The following LMNTD1 variants were observed in gnomAD, a reference collection of about 807,000 sequenced individuals.
LMNTD1 encodes the protein lamin tail domain-containing protein 1.
In LMNTD1, 35 loss-of-function variants were observed where a neutral mutation model predicts 50.9. The ratio of observed to expected loss-of-function variants is 0.69; its 90% CI spans 0.53 to 0.91. The LOEUF is 0.91. Among genes scored for constraint, LMNTD1 ranks in the 40% least tolerant of loss-of-function variants. The pLI, the probability that LMNTD1 is intolerant of heterozygous loss-of-function variation, is 0.00. For missense variants in LMNTD1, 470 were observed against 475.5 expected, an observed-to-expected ratio of 0.99 and a Z score of 0.11; for synonymous variants, 153 against 161.9, an observed-to-expected ratio of 0.94 and a Z score of 0.42.
chr12:25,559,695 T>G (rs1292193348), intron 1 of LMNTD1, among the ~76,000 whole-genome samples: 1 of 152,222 alleles, frequency 6.6e-6, no homozygotes, highest in African/African-American at 2.4e-5. Context: ...CTCCACATCC[T>G]CTCCAGAACC....
At chr12:25,638,218 A>G (rs1296686669) in intron 1 of LMNTD1, among the ~76,000 whole-genome samples, 1 of 152,056 alleles carries the variant, frequency 6.6e-6, no homozygotes, top group Non-Finnish European at 1.5e-5. Flanking sequence ...CTACAAAAAA[A>G]CTCACAGCTA....
upstream of LMNTD1, chr12:25,553,299 C>T: frequency 7.2e-7 from 1 of 1,392,460 alleles, no homozygotes; most frequent in Non-Finnish European, 9.4e-7. Flanking sequence ...TTGCTTCTGG[C>T]CAACACTGCC....
chr12:25,520,102 G>T (rs760116433), intron 6 of LMNTD1, 27 bp from the exon 7 acceptor site: 2 of 1,394,960 alleles, frequency 1.4e-6, no homozygotes, highest in Non-Finnish European at 2.0e-6. Flanking sequence ...ATTAATGTTG[G>T]CTATGTATAT....
chr12:25,573,474 G>A (rs113839276), intron 1 of LMNTD1, among the ~76,000 whole-genome samples: 4 of 152,244 alleles, frequency 2.6e-5, no homozygotes, highest in African/African-American at 7.2e-5. Flanking sequence ...ACTTCCCCAT[G>A]CCTAAAGTCT....
At chr12:25,579,378 C>T (rs570552846) in intron 1 of LMNTD1, among the ~76,000 whole-genome samples, 3 of 152,110 alleles carry the variant, frequency 2.0e-5, no homozygotes, top group East Asian at 3.9e-4. Context: ...TTAAAGTATA[C>T]AGGTGGTATG....
Position 25,636,771 on chromosome 12 carries a change from G to A in LMNTD1, c.58+11723C>T, listed in dbSNP as rs142519053. On this transcript the variant is annotated intron_variant, in intron 1 of 7. Coordinates refer to the LMNTD1 transcript ENST00000445693. ...TCAATCAGTGGATAAAGAAACTGTG[G>A]TATATATATATATGATGGAATACTA... Among the ~76,000 whole-genome samples, 619 of 151,648 alleles carry A rather than the reference G, an allele frequency of 4.1e-3. 1 individual carries two copies. Among genetic ancestry groups the A allele is most frequent in the African/African-American group, 0.014 (579 of 41,350 alleles).
At chr12:25,591,080 T>C (rs1054251640) in intron 1 of LMNTD1, among the ~76,000 whole-genome samples, 2 of 152,148 alleles carry the variant, frequency 1.3e-5, no homozygotes, top group African/African-American at 4.8e-5. Context: ...CCTTAGGTAC[T>C]AGCTTGGCCA....
intron 9 of LMNTD1, among the ~76,000 whole-genome samples, chr12:25,486,764 A>G (rs1381725915): frequency 4.7e-5 from 7 of 149,874 alleles, no homozygotes; most frequent in Admixed American, 6.7e-5. Context: ...TGAGATAATC[A>G]TGTGGTTTTT....
chr12:25,482,605 C>T (rs977200485), intron 9 of LMNTD1, among the ~76,000 whole-genome samples: 1 of 151,874 alleles, frequency 6.6e-6, no homozygotes, highest in Non-Finnish European at 1.5e-5. Flanking sequence ...AAAATTTAAG[C>T]GTTAGAAACA....
intron 1 of LMNTD1, among the ~76,000 whole-genome samples, chr12:25,574,283 A>G (rs1011903218): frequency 6.6e-6 from 1 of 152,064 alleles, no homozygotes; most frequent in African/African-American, 2.4e-5. Context: ...CTCTCTTGTT[A>G]CTTGCCTTGA....
At chr12:25,493,473 C>A (rs1265090714) in intron 9 of LMNTD1, among the ~76,000 whole-genome samples, 2 of 152,150 alleles carry the variant, frequency 1.3e-5, no homozygotes, top group East Asian at 3.9e-4. Context: ...GAGAAGTATT[C>A]AAACAGATTC....
intron 9 of LMNTD1, among the ~76,000 whole-genome samples, chr12:25,500,335 G>C (rs1047151624): frequency 6.6e-6 from 1 of 152,128 alleles, no homozygotes; most frequent in Non-Finnish European, 1.5e-5. Flanking sequence ...GGCCCCAGGA[G>C]AAACTGTTAT....
In LMNTD1 at chr12:25,627,548, G is replaced by A. The variant is rs187293421; in HGVS notation, c.58+20946C>T. The stretch of plus-strand genomic sequence containing the variant: ...GGAAGGGATCACGCTTTGTAAACTC[G>A]AATCAGTGAAAATATTTTGGGAGAG... On this transcript the variant is annotated intron_variant, in intron 1 of 7. Transcript: ENST00000445693. Among the ~76,000 whole-genome samples the A allele has an allele frequency of 3.2e-3, 486 of 152,274 alleles. 1 individual carries two copies. Among genetic ancestry groups the A allele is most frequent in the Non-Finnish European group, 5.6e-3 (378 of 68,020 alleles).
chr12:25,521,704 A>G (rs935518501), intron 6 of LMNTD1, among the ~76,000 whole-genome samples: 3 of 152,160 alleles, frequency 2.0e-5, no homozygotes, highest in Non-Finnish European at 4.4e-5. Context: ...GGTAACATGA[A>G]AAAGTTAAGA....
At chr12:25,599,449 A>G (rs1459704335) in intron 1 of LMNTD1, among the ~76,000 whole-genome samples, 1 of 152,102 alleles carries the variant, frequency 6.6e-6, no homozygotes, top group Non-Finnish European at 1.5e-5. Context: ...AGTCCTAACT[A>G]GAGCAATCAG....
At chr12:25,512,361 G>C (rs1940368570) in intron 8 of LMNTD1, among the ~76,000 whole-genome samples, 2 of 152,208 alleles carry the variant, frequency 1.3e-5, no homozygotes. Context: ...GGGAGCAAAG[G>C]AGGGGAATAG....
chr12:25,593,679 C>T (rs1245541646), intron 1 of LMNTD1, among the ~76,000 whole-genome samples: 1 of 151,884 alleles, frequency 6.6e-6, no homozygotes, highest in Non-Finnish European at 1.5e-5. Context: ...TACTCTAGCT[C>T]ACCAGCAATG....
At position 25,591,564 on chromosome 12, in the gene LMNTD1, C is replaced by T. The variant is rs77881130; in HGVS notation, c.59-45010G>A. ...CTGGCTCCTGGACGGCACCCCTGGACATGCCCAGGGCCTGGGGGAACTTGT... is the reference window on the plus strand; with the variant it reads ...CTGGCTCCTGGACGGCACCCCTGGATATGCCCAGGGCCTGGGGGAACTTGT... On this transcript the variant is annotated intron_variant, in intron 1 of 7. Coordinates refer to the LMNTD1 transcript ENST00000445693. Among the ~76,000 whole-genome samples the T allele has an allele frequency of 3.9e-3, 598 of 152,284 alleles. 4 individuals carry two copies. The highest frequency in any genetic ancestry group is 0.014 in the African/African-American group (565 of 41,566).
chr12:25,482,985 A>T (rs1938492643), intron 9 of LMNTD1, among the ~76,000 whole-genome samples: 1 of 152,038 alleles, frequency 6.6e-6, no homozygotes, highest in Admixed American at 6.5e-5. Context: ...CAGTGACAAT[A>T]ACAACTGCCA....
Sources: allele counts gnomAD v4.1 joint callset (sites outside exome capture counted in the v4.1 genomes callset), GRCh38; gene constraint gnomAD v4.1.1; transcripts MANE v1.5; gene names NCBI Gene and HGNC (gene_info 2026-07-23, HGNC 2026-07-21).